Variants in HDAC9 observed in about 807,000 individuals in gnomAD.
HDAC9 encodes the protein MEF-2 interacting transcription repressor (MITR) protein.
HDAC9 carries 41 observed loss-of-function variants against 139.4 expected under a neutral mutation model. That is an observed-to-expected ratio of 0.29 (90% CI 0.23 to 0.38). HDAC9 has a LOEUF of 0.38. HDAC9 is among the 10% of genes least tolerant of loss of function. The probability of loss-of-function intolerance (pLI) is 1.00; values close to 1 mark genes in which losing one functional copy is unlikely to be tolerated. For synonymous variants in HDAC9, 517 were observed against 476.2 expected (o/e 1.09, Z -1.12); for missense variants, 1,147 against 1,297.0 (o/e 0.88, Z 1.78).
chr7:18,222,544 C>G (rs764747074), intron 2 of HDAC9, among the ~76,000 whole-genome samples: 1 of 152,044 alleles, frequency 6.6e-6, no homozygotes, highest in Non-Finnish European at 1.5e-5. Context: ...CAGTACTGGA[C>G]AGTATACATT....
intron 1 of HDAC9, among the ~76,000 whole-genome samples, chr7:18,370,437 A>G (rs1784509690): frequency 6.6e-6 from 1 of 152,116 alleles, no homozygotes; most frequent in Non-Finnish European, 1.5e-5. Flanking sequence ...GAACCCAAAC[A>G]TTCTCCTTTT....
At chr7:18,499,080 A>G (rs201701571) in intron 2 of HDAC9, among the ~76,000 whole-genome samples, 2 of 150,052 alleles carry the variant, frequency 1.3e-5, no homozygotes, top group South Asian at 4.2e-4. Flanking sequence ...TAGGGTGTGT[A>G]TGTGTGTGTG....
chr7:18,683,270 C>A (rs1290152441), intron 12 of HDAC9, among the ~76,000 whole-genome samples: 3 of 150,846 alleles, frequency 2.0e-5, no homozygotes, highest in East Asian at 3.9e-4. Flanking sequence ...TGCACATTGT[C>A]CTAAAATTCT....
chr7:18,404,315 G>C (rs1028105409), intron 1 of HDAC9, among the ~76,000 whole-genome samples: 1 of 152,058 alleles, frequency 6.6e-6, no homozygotes, highest in African/African-American at 2.4e-5. Context: ...ACATACATAG[G>C]CAGGACAAAT....
chr7:18,968,842 C>T (rs916358943), intron 24 of HDAC9, among the ~76,000 whole-genome samples: 3 of 150,998 alleles, frequency 2.0e-5, no homozygotes, highest in African/African-American at 7.3e-5. Context: ...GCCTGTAGTC[C>T]CAGCTACTCA....
chr7:18,904,572 C>CTTTTT (rs71017010), intron 22 of HDAC9, among the ~76,000 whole-genome samples: 1 of 71,942 alleles, frequency 1.4e-5, no homozygotes, highest in Non-Finnish European at 2.4e-5. Context: ...CTCCCCATTT[C>CTTTTT]TTTTTTTTTT....
chr7:18,573,887 A>G (rs1825120234), intron 2 of HDAC9, among the ~76,000 whole-genome samples: 1 of 152,116 alleles, frequency 6.6e-6, no homozygotes, highest in Non-Finnish European at 1.5e-5. Flanking sequence ...GGGCTCCCCA[A>G]AGGGCCACAG....
intron 2 of HDAC9, among the ~76,000 whole-genome samples, chr7:18,258,709 T>TA (rs1795444491): frequency 6.6e-6 from 1 of 152,230 alleles, no homozygotes; most frequent in East Asian, 1.9e-4. Context: ...TATGTGATAC[T>TA]AAATTCAGTT....
intron 6 of HDAC9, among the ~76,000 whole-genome samples, chr7:18,607,365 A>C (rs1835810298): frequency 6.6e-6 from 1 of 152,238 alleles, no homozygotes; most frequent in Non-Finnish European, 1.5e-5. Flanking sequence ...CAAAGCTGAG[A>C]ATTCTAGCTT....
chr7:18,178,284 T>C (rs71524234), intron 2 of HDAC9, among the ~76,000 whole-genome samples: 3,029 of 152,286 alleles, frequency 0.02, 43 homozygotes, highest in Non-Finnish European at 0.031. Flanking sequence ...AGGGTTTCAC[T>C]ATGTTGGCCA....
intron 1 of HDAC9, among the ~76,000 whole-genome samples, chr7:18,387,398 T>G (rs1786043266): frequency 6.6e-6 from 1 of 152,252 alleles, no homozygotes; most frequent in Non-Finnish European, 1.5e-5. Flanking sequence ...TCTTTTGCTA[T>G]TATAGAATCT....
intron 1 of HDAC9, among the ~76,000 whole-genome samples, chr7:18,443,996 G>A (rs1005143850): frequency 6.6e-6 from 1 of 151,878 alleles, no homozygotes; most frequent in South Asian, 2.1e-4. Context: ...GTGTATGTAT[G>A]TATCTGTCTA....
chr7:18,664,048 C>T (rs554536824), intron 11 of HDAC9, among the ~76,000 whole-genome samples: 1 of 152,186 alleles, frequency 6.6e-6, no homozygotes, highest in Non-Finnish European at 1.5e-5. Context: ...TCTTAAACAG[C>T]CAATTAAATG....
At chr7:18,721,475 C>T (rs1356527690) in intron 12 of HDAC9, among the ~76,000 whole-genome samples, 5 of 151,956 alleles carry the variant, frequency 3.3e-5, no homozygotes, top group South Asian at 2.1e-4. Context: ...ACTAAATGTT[C>T]GTGAATTCTT....
chr7:18,437,650 C>T (rs1791336261), intron 1 of HDAC9, among the ~76,000 whole-genome samples: 1 of 151,270 alleles, frequency 6.6e-6, no homozygotes, highest in African/African-American at 2.4e-5. Context: ...TTGTTTGGTA[C>T]TATGCAGTGT....
At chr7:18,534,249 T>C (rs1212466307) in intron 2 of HDAC9, among the ~76,000 whole-genome samples, 1 of 152,196 alleles carries the variant, frequency 6.6e-6, no homozygotes, top group African/African-American at 2.4e-5. Flanking sequence ...TTTGTGTGTA[T>C]GTGGTTAGAA....
At chr7:18,455,133 A>AC (rs1793224955) in intron 1 of HDAC9, among the ~76,000 whole-genome samples, 1 of 152,134 alleles carries the variant, frequency 6.6e-6, no homozygotes, top group Non-Finnish European at 1.5e-5. Flanking sequence ...ACAGGGACAT[A>AC]GAAATAAGTG....
At chr7:18,658,053 G>T in intron 11 of HDAC9, among the ~76,000 whole-genome samples, 1 of 152,094 alleles carries the variant, frequency 6.6e-6, no homozygotes, top group East Asian at 1.9e-4. Flanking sequence ...GTTTGATTGT[G>T]TTTTGGGGTC....
intron 2 of HDAC9, among the ~76,000 whole-genome samples, chr7:18,572,494 C>T (rs536405054): frequency 1.3e-5 from 2 of 151,756 alleles, no homozygotes; most frequent in South Asian, 2.1e-4. Context: ...GAAAAAAATA[C>T]GGGAAAGGGG....
Sources: allele counts gnomAD v4.1 joint callset (sites outside exome capture counted in the v4.1 genomes callset), GRCh38; gene constraint gnomAD v4.1.1; transcripts MANE v1.5; gene names NCBI Gene and HGNC (gene_info 2026-07-23, HGNC 2026-07-21).